BAALC: variants seen among roughly 807,000 people sequenced by gnomAD.
BAALC encodes the protein BAALC binder of MAP3K1 and KLF4.
A neutral mutation model predicts 15.5 loss-of-function variants in BAALC; 9 were observed. The observed-to-expected ratio is 0.58, with a 90% CI of 0.35 to 1.02. The LOEUF (loss-of-function observed/expected upper bound fraction) is 1.02, where lower values mean the gene tolerates loss of function less well. Ranked by LOEUF, BAALC falls within the 50% of genes least tolerant of loss-of-function variation. The pLI, the probability that BAALC is intolerant of heterozygous loss-of-function variation, is 0.02. For synonymous variants in BAALC, 80 were observed against 74.6 expected (o/e 1.07, Z -0.37); for missense variants, 201 against 192.4 (o/e 1.04, Z -0.27).
intron 2 of BAALC, among the ~76,000 whole-genome samples, chr8:103,221,154 T>C (rs1278036002): frequency 6.6e-6 from 1 of 152,212 alleles, no homozygotes; most frequent in East Asian, 1.9e-4. Context: ...GGTCAGAGAC[T>C]GCCAAGAGGT....
chr8:103,214,252 T>C (rs1013981836), intron 2 of BAALC, among the ~76,000 whole-genome samples: 6 of 152,220 alleles, frequency 3.9e-5, no homozygotes, highest in Non-Finnish European at 8.8e-5. Flanking sequence ...CAACTGGCTT[T>C]AACTGGACAA....
At chr8:103,166,413 A>T (rs1386194207) in intron 1 of BAALC, 1 of 152,460 alleles carries the variant, frequency 6.6e-6, no homozygotes, top group Non-Finnish European at 1.5e-5. Flanking sequence ...AAGCCTCAGG[A>T]ATATTTTCTT....
chr8:103,213,148 CA>C (rs1812489546), intron 2 of BAALC, 63 bp downstream of exon 2: 9 of 1,534,180 alleles, frequency 5.9e-6, no homozygotes, highest in Non-Finnish European at 8.0e-6. Context: ...TGCTTCAGGG[CA>C]GAGCCACCCA....
At chr8:103,150,166 G>T (rs1810953847) in intron 1 of BAALC, among the ~76,000 whole-genome samples, 1 of 152,146 alleles carries the variant, frequency 6.6e-6, no homozygotes, top group South Asian at 2.1e-4. Context: ...CGGATCTCAT[G>T]AGACTTATTC....
At chr8:103,179,506 A>ATC (rs1811680100) in intron 1 of BAALC, among the ~76,000 whole-genome samples, 1 of 152,240 alleles carries the variant, frequency 6.6e-6, no homozygotes, top group Admixed American at 6.5e-5. Context: ...GGAGTCACAG[A>ATC]CTTTTAGCAG....
chr8:103,221,663 C>T (rs1019938710), intron 2 of BAALC, among the ~76,000 whole-genome samples: 3 of 152,078 alleles, frequency 2.0e-5, no homozygotes, highest in Admixed American at 1.3e-4. Flanking sequence ...CTCTTCTCAG[C>T]GGAGGGCAAA....
intron 1 of BAALC, among the ~76,000 whole-genome samples, chr8:103,205,479 G>A (rs767564799): frequency 5.1e-4 from 77 of 152,248 alleles, no homozygotes; most frequent in Non-Finnish European, 1.9e-4. Flanking sequence ...AAATATACAT[G>A]AGTACTTTGT....
At position 103,140,943 on chromosome 8, in the gene BAALC, T is replaced by C. The variant is rs762040723; in HGVS notation, c.46T>C (p.Tyr16His). The change falls in exon 1 of 3, where the codon TAC (tyrosine) becomes CAC (histidine). Residue 16 changes from tyrosine (Y) to histidine (H), a missense_variant. Physicochemically the swap from Tyr to His is moderately conservative, Grantham distance 83 (BLOSUM62 2). Transcript: ENST00000309982. The surrounding 1 kb of genome is among the most constrained non-coding windows in gnomAD (Gnocchi z 4.2). ...GGCGGATGCCATCGAGCCCCGCTACTACGAGAGCTGGACCCGGGAGACAGA... is the reference window on the plus strand; with the variant it reads ...GGCGGATGCCATCGAGCCCCGCTACCACGAGAGCTGGACCCGGGAGACAGA... ...SRADAIEPRY[Y>H]ESWTRETEST... 3 of 1,537,998 alleles carry C rather than the reference T, an allele frequency of 2.0e-6. No homozygotes were observed. In the South Asian group the frequency reaches 3.6e-5, roughly 19 times the overall value.
At chr8:103,161,263 A>G (rs1031513727) in intron 1 of BAALC, among the ~76,000 whole-genome samples, 42 of 150,128 alleles carry the variant, frequency 2.8e-4, no homozygotes, top group African/African-American at 8.6e-4. Flanking sequence ...TAACCATTTT[A>G]TTAGTTTTTG....
At chr8:103,219,152 T>A (rs1812624812) in intron 2 of BAALC, among the ~76,000 whole-genome samples, 1 of 152,244 alleles carries the variant, frequency 6.6e-6, no homozygotes, top group African/African-American at 2.4e-5. Context: ...ACCTACCTAC[T>A]GGCTGCTACC....
At chr8:103,155,669 G>A (rs1195139772) in intron 1 of BAALC, among the ~76,000 whole-genome samples, 1 of 152,344 alleles carries the variant, frequency 6.6e-6, no homozygotes, top group South Asian at 2.1e-4. Context: ...AGACCTGGCA[G>A]TAATCACCTT....
At position 103,176,477 on chromosome 8, in the gene BAALC, AAG is replaced by A. The variant is rs1197655676; in HGVS notation, c.160+35427_160+35428del. Among the ~76,000 whole-genome samples, 3 of 152,096 alleles carry A rather than the reference AAG, an allele frequency of 2.0e-5. No homozygotes were observed. In the East Asian group the frequency reaches 5.8e-4, roughly 29 times the overall value. The stretch of plus-strand genomic sequence containing the variant: ...GAACTAAGTGCCATAAGAAAAAAAA[AAG>A]AGAGAGGAGAGGGATAGATATATAA... On this transcript the variant is annotated intron_variant, in intron 1 of 2. Transcript: ENST00000309982.
At chr8:103,141,415 C>T (rs968039186) in intron 1 of BAALC, 3 of 228,262 alleles carry the variant, frequency 1.3e-5, no homozygotes, top group Admixed American at 5.8e-5. Flanking sequence ...GGGCCGCCTC[C>T]GCCCCGCTTT....
chr8:103,165,018 A>G (rs1475926606), intron 1 of BAALC, among the ~76,000 whole-genome samples: 1 of 152,172 alleles, frequency 6.6e-6, no homozygotes, highest in African/African-American at 2.4e-5. Context: ...GAAGAATGTG[A>G]TAGGCTATTG....
intron 1 of BAALC, among the ~76,000 whole-genome samples, chr8:103,144,906 C>G (rs1239302850): frequency 6.6e-6 from 1 of 152,162 alleles, no homozygotes; most frequent in African/African-American, 2.4e-5. Flanking sequence ...TTTGAATTTT[C>G]TCATTGAATC....
intron 1 of BAALC, among the ~76,000 whole-genome samples, chr8:103,193,172 C>G (rs1177080351): frequency 6.6e-6 from 1 of 152,224 alleles, no homozygotes; most frequent in African/African-American, 2.4e-5. Context: ...GAACATTATG[C>G]TTTATGGCTT....
intron 1 of BAALC, among the ~76,000 whole-genome samples, chr8:103,185,364 T>C (rs1811810858): frequency 6.6e-6 from 1 of 152,172 alleles, no homozygotes; most frequent in African/African-American, 2.4e-5. Context: ...CCTACTTTTC[T>C]ATTTTTTTCC....
At chr8:103,215,791 A>C (rs1168059843) in intron 2 of BAALC, among the ~76,000 whole-genome samples, 4 of 152,220 alleles carry the variant, frequency 2.6e-5, no homozygotes, top group African/African-American at 7.2e-5. Context: ...CAAAGTGGAG[A>C]GAGAGCAAAG....
chr8:103,217,773 G>A (rs138363764), intron 2 of BAALC, among the ~76,000 whole-genome samples: 2 of 152,270 alleles, frequency 1.3e-5, no homozygotes, highest in African/African-American at 4.8e-5. Context: ...ATCCTTGCGA[G>A]GCCTGGAAAA....
Sources: allele counts gnomAD v4.1 joint callset (sites outside exome capture counted in the v4.1 genomes callset), GRCh38; gene constraint gnomAD v4.1.1; non-coding constraint Gnocchi (gnomAD v3.1); transcripts MANE v1.5; gene names NCBI Gene and HGNC (gene_info 2026-07-23, HGNC 2026-07-21).